ZC3H14: variants seen among roughly 807,000 people sequenced by gnomAD.
The protein encoded by ZC3H14 is zinc finger CCCH domain-containing protein 14.
ZC3H14 carries 31 observed loss-of-function variants against 92.4 expected under a neutral mutation model. That is an observed-to-expected ratio of 0.34 (90% CI 0.25 to 0.45). The LOEUF (loss-of-function observed/expected upper bound fraction) is 0.45. Ranked by LOEUF, ZC3H14 falls within the 20% of genes least tolerant of loss-of-function variation. The probability of loss-of-function intolerance (pLI) is 1.00; values close to 1 mark genes in which losing one functional copy is unlikely to be tolerated. For synonymous variants in ZC3H14, 321 were observed against 300.9 expected (o/e 1.07, Z -0.69); for missense variants, 781 against 897.3 (o/e 0.87, Z 1.66).
Position 88,622,733 on chromosome 14 carries a change from A to C in ZC3H14, c.*10982A>C. On this transcript the variant is annotated 3_prime_UTR_variant, in exon 17 of 17. Transcript: ENST00000251038. ...CTTCTTTTGACCTAAGTAAATAACCAAGCCAGAGTAAGTGTTCATTATTGG... is the reference window on the plus strand; with the variant it reads ...CTTCTTTTGACCTAAGTAAATAACCCAGCCAGAGTAAGTGTTCATTATTGG... 1 of 1,561,126 alleles carries C rather than the reference A, an allele frequency of 6.4e-7. No individual in the cohort carries two copies.
intron 2 of ZC3H14, among the ~76,000 whole-genome samples, chr14:88,566,879 C>T (rs1402851322): frequency 6.6e-6 from 1 of 150,634 alleles, no homozygotes; most frequent in Non-Finnish European, 1.5e-5. Context: ...GAGATTGTGC[C>T]ACTACACTCC....
At chr14:88,603,763 G>A (rs867686319) in intron 12 of ZC3H14, among the ~76,000 whole-genome samples, 2 of 152,122 alleles carry the variant, frequency 1.3e-5, no homozygotes, top group Admixed American at 6.5e-5. Flanking sequence ...TCTTAAAAGC[G>A]TACAGATTCA....
intron 4 of ZC3H14, among the ~76,000 whole-genome samples, chr14:88,571,346 A>G (rs1391216297): frequency 1.3e-5 from 2 of 152,190 alleles, no homozygotes; most frequent in East Asian, 1.9e-4. Context: ...ATCCGAAGGA[A>G]ATAATTACAT....
chr14:88,592,726 C>T (rs1025153618), intron 9 of ZC3H14, among the ~76,000 whole-genome samples: 2 of 151,972 alleles, frequency 1.3e-5, no homozygotes, highest in African/African-American at 4.8e-5. Context: ...GTCTTGAACT[C>T]CTGACCTCAA....
At position 88,627,011 on chromosome 14, in the gene ZC3H14, G is replaced by A. The variant is rs369608013; in HGVS notation, c.*15260G>A. 8.7e-6 allele frequency: 14 copies of A among 1,613,664 alleles called. No individual in the cohort carries two copies. Among genetic ancestry groups the A allele is most frequent in the East Asian group, 2.2e-5 (1 of 44,880 alleles). Reference sequence around the variant, plus strand: ...GGTCGGAATTCTGCCACAAAAATACGTTGATTGTGACCAGCTCTGCTGGCA... The same window carrying A: ...GGTCGGAATTCTGCCACAAAAATACATTGATTGTGACCAGCTCTGCTGGCA... On this transcript the variant is annotated 3_prime_UTR_variant, in exon 17 of 17. Transcript: ENST00000251038.
chr14:88,574,381 G>C (rs1213750074), intron 6 of ZC3H14: 3 of 348,236 alleles, frequency 8.6e-6, no homozygotes, highest in Non-Finnish European at 1.7e-5. Flanking sequence ...GAGTAGCTCG[G>C]ACTACAGGCA....
chr14:88,606,612 G>A (rs2085442270), intron 12 of ZC3H14, among the ~76,000 whole-genome samples: 5 of 152,130 alleles, frequency 3.3e-5, no homozygotes, highest in African/African-American at 9.6e-5. Context: ...GCCAGGCGTG[G>A]TGGCACGTGC....
chr14:88,602,101 C>T lies in ZC3H14; in HGVS notation c.1514+18C>T. The T allele has an allele frequency of 6.2e-7, 1 of 1,613,226 alleles. No homozygotes were observed. The highest frequency in any genetic ancestry group is 2.2e-5 in the East Asian group (1 of 44,858). On this transcript the variant is annotated intron_variant, in intron 11 of 16. Transcript: ENST00000251038. ...CAGACACGGTAGATGGTTTCTTTTTCTTGTGTAGTTAATTTGTGTGATTAG... is the reference window on the plus strand; with the variant it reads ...CAGACACGGTAGATGGTTTCTTTTTTTTGTGTAGTTAATTTGTGTGATTAG...
At chr14:88,582,878 A>G (rs1011565711) in intron 9 of ZC3H14, among the ~76,000 whole-genome samples, 3 of 152,130 alleles carry the variant, frequency 2.0e-5, no homozygotes, top group Non-Finnish European at 4.4e-5. Flanking sequence ...ATGCACTCGT[A>G]TTGGCATAAG....
intron 9 of ZC3H14, chr14:88,591,767 A>G (rs2083164542): frequency 6.6e-6 from 1 of 152,206 alleles, no homozygotes; most frequent in Non-Finnish European, 1.5e-5. Context: ...ATGTTTACTT[A>G]CGCACACACA....
intron 3 of ZC3H14, 67 bp from the exon 4 acceptor site, chr14:88,571,016 AG>A (rs1259836740): frequency 1.6e-6 from 2 of 1,265,382 alleles, no homozygotes; most frequent in African/African-American, 3.1e-5. Flanking sequence ...TCATAAATTT[AG>A]AGTGACAGTT....
chr14:88,572,181 C>T lies in ZC3H14; in HGVS notation c.387C>T (p.Ser129=). 2 of 1,614,068 alleles carry T rather than the reference C, an allele frequency of 1.2e-6. No individual in the cohort carries two copies. The highest frequency in any genetic ancestry group is 1.7e-6 in the Non-Finnish European group (2 of 1,180,016). Residue 129 remains serine (S), a synonymous_variant, in exon 5 of 17, where the codon TCC becomes TCT. Coordinates refer to ENST00000251038, the MANE Select transcript of ZC3H14 (RefSeq NM_024824.5). The part of the protein sequence containing the change: ...IPSARPEKRD[S]RVSTSSQESK... Reference sequence around the variant, plus strand: ...GCGCGAGACCTGAAAAAAGAGATTCCAGAGTTTCTACAAGTTCGCAGGAGT... The same window carrying T: ...GCGCGAGACCTGAAAAAAGAGATTCTAGAGTTTCTACAAGTTCGCAGGAGT...
Position 88,618,306 on chromosome 14 carries a change from T to G in ZC3H14, c.*6555T>G. On this transcript the variant is annotated 3_prime_UTR_variant, in exon 17 of 17. Coordinates refer to ENST00000251038, the MANE Select transcript of ZC3H14 (RefSeq NM_024824.5). ...TTTTCCTGAAGGCACTTCATAGACA[T>G]GCCGTTTATAGCAGCCACTAGAGAC... The G allele has an allele frequency of 1.2e-6, 2 of 1,613,782 alleles. No individual in the cohort carries two copies. Among genetic ancestry groups the G allele is most frequent in the Non-Finnish European group, 1.7e-6 (2 of 1,179,852 alleles).
chr14:88,571,547 A>G (rs2080394676), intron 4 of ZC3H14, among the ~76,000 whole-genome samples: 2 of 152,224 alleles, frequency 1.3e-5, no homozygotes, highest in African/African-American at 2.4e-5. Flanking sequence ...ATGTGTATAT[A>G]TGCTCTTCCC....
intron 10 of ZC3H14, among the ~76,000 whole-genome samples, chr14:88,599,562 C>T (rs533467415): frequency 1.3e-5 from 2 of 152,274 alleles, no homozygotes; most frequent in African/African-American, 4.8e-5. Context: ...ACGCTTTCCT[C>T]AACCCTGGAG....
intron 6 of ZC3H14, among the ~76,000 whole-genome samples, chr14:88,574,018 A>G (rs1425397504): frequency 6.6e-6 from 1 of 152,062 alleles, no homozygotes; most frequent in Non-Finnish European, 1.5e-5. Flanking sequence ...ACATCTGTAT[A>G]CCTTTTTGGG....
At chr14:88,602,213 G>C in intron 11 of ZC3H14, 130 bp downstream of exon 11, 1 of 1,253,564 alleles carries the variant, frequency 8.0e-7, no homozygotes, top group South Asian at 1.3e-5. Flanking sequence ...TCAGTAGCTA[G>C]CCCATGAATA....
Position 88,616,471 on chromosome 14 carries a change from T to C in ZC3H14, c.*4720T>C. ...GACCATTTTTCTCTAAGGAAAAGCA[T>C]TTGAAATTTGATAACTGATTATAGG... On this transcript the variant is annotated 3_prime_UTR_variant, in exon 17 of 17. Transcript: ENST00000251038. 1 of 605,934 alleles carries C rather than the reference T, an allele frequency of 1.7e-6. No individual in the cohort carries two copies. The highest frequency in any genetic ancestry group is 2.2e-5 in the South Asian group (1 of 45,308). The allele number at this position is 605,934 out of a possible 1,614,324, so 37.5% of individuals were successfully genotyped here.
At chr14:88,599,669 G>A (rs961978019) in intron 10 of ZC3H14, among the ~76,000 whole-genome samples, 6 of 152,124 alleles carry the variant, frequency 3.9e-5, no homozygotes, top group Admixed American at 1.3e-4. Flanking sequence ...TCATTCTCAT[G>A]TGTCAGCGCA....
Sources: allele counts gnomAD v4.1 joint callset (sites outside exome capture counted in the v4.1 genomes callset), GRCh38; gene constraint gnomAD v4.1.1; transcripts MANE v1.5; gene names NCBI Gene and HGNC (gene_info 2026-07-23, HGNC 2026-07-21).